The following ARHGAP12 variants were observed in gnomAD, a reference collection of about 807,000 sequenced individuals.
The protein encoded by ARHGAP12 is Rho GTPase activating protein 12.
ARHGAP12 carries 64 observed loss-of-function variants against 108.6 expected under a neutral mutation model. That is an observed-to-expected ratio of 0.59 (90% CI 0.48 to 0.73). The LOEUF is 0.73. Among genes scored for constraint, ARHGAP12 ranks in the 30% least tolerant of loss-of-function variants. The pLI is 0.00. For synonymous variants in ARHGAP12, 312 were observed against 337.2 expected, an observed-to-expected ratio of 0.93 and a Z score of 0.82; for missense variants, 940 against 1,005.9, an observed-to-expected ratio of 0.93 and a Z score of 0.89.
chr10:31,817,211 AAAAAAAGTAC>A (rs1005308815), intron 13 of ARHGAP12, among the ~76,000 whole-genome samples: 6 of 152,142 alleles, frequency 3.9e-5, no homozygotes, highest in African/African-American at 1.4e-4. Flanking sequence ...TGTTTCAAAA[AAAAAAAGTAC>A]AGCTCCCAGC....
At chr10:31,861,115 T>C (rs982259980) in intron 4 of ARHGAP12, among the ~76,000 whole-genome samples, 1 of 152,124 alleles carries the variant, frequency 6.6e-6, no homozygotes, top group African/African-American at 2.4e-5. Flanking sequence ...ACAACTGAAA[T>C]AGTATGTTCT....
At position 31,805,717 on chromosome 10, in the gene ARHGAP12, T is replaced by C. The variant is rs1834801302; in HGVS notation, c.*1941A>G. 3 of 150,870 alleles carry C rather than the reference T, an allele frequency of 2.0e-5. No homozygotes were observed. In the East Asian group the frequency reaches 5.8e-4, roughly 29 times the overall value. The allele number at this position is 150,870 out of a possible 1,614,324, so 9.3% of individuals were successfully genotyped here. ...TGAAACAAGAAACACAGGACAATTT[T>C]AATCTTTGATATATGTTCATGAACA... On this transcript the variant is annotated 3_prime_UTR_variant, in exon 20 of 20. Coordinates refer to ENST00000344936, the MANE Select transcript of ARHGAP12 (RefSeq NM_018287.7).
intron 12 of ARHGAP12, 127 bp from the exon 13 acceptor site, chr10:31,818,013 T>C (rs1441430613): frequency 3.0e-6 from 2 of 677,018 alleles, no homozygotes; most frequent in Non-Finnish European, 5.1e-6. Flanking sequence ...GTAACAATGA[T>C]GCAAGGTTAA....
intron 12 of ARHGAP12, among the ~76,000 whole-genome samples, chr10:31,819,415 C>T (rs1326745209): frequency 1.3e-5 from 2 of 152,176 alleles, no homozygotes; most frequent in African/African-American, 2.4e-5. Flanking sequence ...CAAAATCAGT[C>T]TTGGATCTCT....
At chr10:31,878,532 T>C (rs768396855) in intron 3 of ARHGAP12, among the ~76,000 whole-genome samples, 4 of 152,254 alleles carry the variant, frequency 2.6e-5, no homozygotes, top group Non-Finnish European at 4.4e-5. Context: ...TATTGTATTT[T>C]ACATTTATTA....
At chr10:31,827,815 A>AC (rs1271055894) in intron 10 of ARHGAP12, among the ~76,000 whole-genome samples, 1 of 151,972 alleles carries the variant, frequency 6.6e-6, no homozygotes, top group African/African-American at 2.4e-5. Context: ...AAAAACAAAA[A>AC]AAAAACCACC....
At chr10:31,827,434 C>G (rs1321338617) in intron 10 of ARHGAP12, among the ~76,000 whole-genome samples, 1 of 152,124 alleles carries the variant, frequency 6.6e-6, no homozygotes, top group Non-Finnish European at 1.5e-5. Flanking sequence ...AAATGAATGT[C>G]AAATCTGTCT....
chr10:31,869,581 C>A (rs955135624), intron 3 of ARHGAP12, among the ~76,000 whole-genome samples: 4 of 151,904 alleles, frequency 2.6e-5, no homozygotes, highest in African/African-American at 9.7e-5. Flanking sequence ...CCCCCTCCCC[C>A]CTAAAAAAAA....
intron 9 of ARHGAP12, among the ~76,000 whole-genome samples, chr10:31,833,699 C>T (rs1194198768): frequency 6.6e-6 from 1 of 152,142 alleles, no homozygotes; most frequent in Non-Finnish European, 1.5e-5. Flanking sequence ...AAAGCTATGC[C>T]TAACTCAACC....
In ARHGAP12 at chr10:31,805,648, T is replaced by TCACACACACACACACACACA. The variant is rs3028478; in HGVS notation, c.*1990_*2009dup. On this transcript the variant is annotated 3_prime_UTR_variant, in exon 20 of 20. Transcript: ENST00000344936. ...GTAGACTAATAAAACATTTAAGACT[T>TCACACACACACACACACACA]CACACACACACACACACACACACAC... 13 of 144,088 alleles carry TCACACACACACACACACACA rather than the reference T, an allele frequency of 9.0e-5. No individual in the cohort carries two copies. Among genetic ancestry groups the TCACACACACACACACACACA allele is most frequent in the African/African-American group, 3.4e-4 (13 of 37,714 alleles). 8.9% of individuals were successfully genotyped at this position (144,088 alleles called of 1,614,324 possible). A position where few individuals can be genotyped will look rare whatever the true frequency, so the allele number is the denominator to read the frequency against.
At chr10:31,836,776 A>C (rs916451973) in intron 9 of ARHGAP12, among the ~76,000 whole-genome samples, 1 of 152,174 alleles carries the variant, frequency 6.6e-6, no homozygotes, top group African/African-American at 2.4e-5. Context: ...CAGAGGAGGA[A>C]CCAGAGGGCA....
At position 31,908,659 on chromosome 10, in the gene ARHGAP12, G is replaced by C; in HGVS notation, c.197C>G (p.Ala66Gly). 6.2e-7 allele frequency: 1 copy of C among 1,614,078 alleles called. No homozygotes were observed. Among genetic ancestry groups the C allele is most frequent in the Non-Finnish European group, 8.5e-7 (1 of 1,180,008 alleles). Residue 66 changes from alanine to glycine, a missense_variant, in exon 3 of 20, where the codon GCC (alanine) becomes GGC (glycine). Coordinates refer to ENST00000344936, the MANE Select transcript of ARHGAP12 (RefSeq NM_018287.7). ...GCGCGTGACCTCCTTCACATACTGG[G>C]CTGGCACATAAAACGCTTTGGAGTT... ...DENSKAFYVP[A>G]QYVKEVTRKA...
chr10:31,887,428 A>G (rs1838228506), intron 3 of ARHGAP12, among the ~76,000 whole-genome samples: 2 of 152,230 alleles, frequency 1.3e-5, no homozygotes, highest in South Asian at 4.1e-4. Context: ...AAGTTGACAC[A>G]TAAAAAGAAC....
chr10:31,910,135 A>C (rs1214894708), intron 2 of ARHGAP12, among the ~76,000 whole-genome samples: 2 of 152,182 alleles, frequency 1.3e-5, no homozygotes, highest in Non-Finnish European at 2.9e-5. Flanking sequence ...CCTCCAGACC[A>C]GTGAGAGAAT....
chr10:31,881,484 G>A lies in ARHGAP12; in HGVS notation c.685-19826C>T, dbSNP rs532124252. 1.4e-4 allele frequency among the ~76,000 whole-genome samples: 22 copies of A among 152,256 alleles called. No individual in the cohort carries two copies. In the East Asian group the frequency reaches 4.2e-3, roughly 29 times the overall value. ...CTGAAAATATCTTTTGAGGGGTCTC[G>A]AATAGAAGTCCACAAAGTTTTGAAC... On this transcript the variant is annotated intron_variant, in intron 3 of 19. Coordinates refer to ENST00000344936, the MANE Select transcript of ARHGAP12 (RefSeq NM_018287.7).
intron 10 of ARHGAP12, among the ~76,000 whole-genome samples, chr10:31,828,916 C>A (rs886354352): frequency 1.3e-5 from 2 of 152,158 alleles, no homozygotes; most frequent in Non-Finnish European, 2.9e-5. Flanking sequence ...CTTTGGGAGG[C>A]CAAGACGGGC....
intron 6 of ARHGAP12, among the ~76,000 whole-genome samples, chr10:31,846,899 ATTTTTTT>A (rs377177944): frequency 6.6e-4 from 56 of 84,612 alleles, no homozygotes; most frequent in East Asian, 1.5e-3. Flanking sequence ...GGCACTGTTC[ATTTTTTT>A]TTTTTTTTTT....
At chr10:31,906,549 G>A (rs1372439970) in intron 3 of ARHGAP12, among the ~76,000 whole-genome samples, 1 of 152,138 alleles carries the variant, frequency 6.6e-6, no homozygotes, top group Non-Finnish European at 1.5e-5. Context: ...GCTGTAAAGT[G>A]GAAGGAAGGC....
intron 6 of ARHGAP12, among the ~76,000 whole-genome samples, chr10:31,844,940 A>G (rs1191747818): frequency 1.3e-5 from 2 of 152,202 alleles, no homozygotes; most frequent in Non-Finnish European, 2.9e-5. Context: ...AAGGGATATT[A>G]AATGGAAATG....
Sources: gnomAD v4.1 joint callset for allele counts (sites outside exome capture counted in the v4.1 genomes callset) on GRCh38, gnomAD v4.1.1 for gene constraint, MANE v1.5 for transcripts, NCBI Gene and HGNC (gene_info 2026-07-23, HGNC 2026-07-21) for gene names.